The following FAM135B variants were observed in gnomAD, a reference collection of about 807,000 sequenced individuals.
FAM135B encodes the protein family with sequence similarity 135 member B.
FAM135B carries 43 observed loss-of-function variants against 127.7 expected under a neutral mutation model. That is an observed-to-expected ratio of 0.34 (90% CI 0.26 to 0.43). The LOEUF (loss-of-function observed/expected upper bound fraction) is 0.43. Among genes scored for constraint, FAM135B ranks in the 20% least tolerant of loss-of-function variants. The pLI, the probability that FAM135B is intolerant of heterozygous loss-of-function variation, is 1.00. For synonymous variants in FAM135B, 670 were observed against 665.1 expected, an observed-to-expected ratio of 1.01 and a Z score of -0.11; for missense variants, 1,558 against 1,725.6, an observed-to-expected ratio of 0.90 and a Z score of 1.72.
intron 1 of FAM135B, among the ~76,000 whole-genome samples, chr8:138,410,333 T>A (rs1422730870): frequency 6.6e-6 from 1 of 152,170 alleles, no homozygotes; most frequent in Non-Finnish European, 1.5e-5. Flanking sequence ...GTTCCTGGTG[T>A]CGATGCCCTT....
rs564009765 is a variant in FAM135B at position 138,241,925 on chromosome 8, T to C, written c.669+1017A>G. Among the ~76,000 whole-genome samples the C allele has an allele frequency of 6.6e-5, 10 of 152,262 alleles. No individual in the cohort carries two copies. The highest frequency in any genetic ancestry group is 2.4e-4 in the African/African-American group (10 of 41,556). On this transcript the variant is annotated intron_variant, in intron 7 of 19. Transcript: ENST00000395297. This position sits in a 1 kb window ranked among gnomAD's most constrained non-coding sequence, Gnocchi z 4.8. ...GAGGGCCTGAATAGGACAAAAAGAC[T>C]GAGTGAGAGAAAACTGTCTCTCTTA...
chr8:138,321,656 T>A (rs1827461441), intron 2 of FAM135B, among the ~76,000 whole-genome samples: 1 of 152,214 alleles, frequency 6.6e-6, no homozygotes, highest in African/African-American at 2.4e-5. Flanking sequence ...ATTTTCCTCA[T>A]AGTGCCATTA....
intron 1 of FAM135B, among the ~76,000 whole-genome samples, chr8:138,409,364 CA>C (rs779707652): frequency 4.9e-4 from 75 of 151,932 alleles, no homozygotes; most frequent in Non-Finnish European, 7.9e-4. Flanking sequence ...AAAACAATTA[CA>C]ATAGTAACAT....
At chr8:138,218,326 A>G (rs1420394920) in intron 7 of FAM135B, among the ~76,000 whole-genome samples, 1 of 152,242 alleles carries the variant, frequency 6.6e-6, no homozygotes, top group East Asian at 1.9e-4. Context: ...AATATTTACC[A>G]TAAGTCAATC....
At chr8:138,408,118 C>T (rs1018087417) in intron 1 of FAM135B, among the ~76,000 whole-genome samples, 5 of 152,186 alleles carry the variant, frequency 3.3e-5, no homozygotes, top group African/African-American at 4.8e-5. Context: ...TTGGCTTCAA[C>T]TTAAAGTCAT....
At chr8:138,238,845 C>A (rs1002263268) in intron 7 of FAM135B, among the ~76,000 whole-genome samples, 2 of 152,134 alleles carry the variant, frequency 1.3e-5, no homozygotes, top group African/African-American at 2.4e-5. Context: ...ACTGAATCTG[C>A]ATAATTGGAT....
Position 138,256,671 on chromosome 8 carries a change from A to C in FAM135B, c.368+18T>G. Reference sequence around the variant, plus strand: ...GAGCACTGTGCTACTACAATTCAATAATTTCCATGACACTCACTGCTGTTC... The same window carrying C: ...GAGCACTGTGCTACTACAATTCAATCATTTCCATGACACTCACTGCTGTTC... On this transcript the variant is annotated intron_variant, in intron 5 of 19. Transcript: ENST00000395297. 1 of 1,609,900 alleles carries C rather than the reference A, an allele frequency of 6.2e-7. No homozygotes were observed. Among genetic ancestry groups the C allele is most frequent in the South Asian group, 1.1e-5 (1 of 90,882 alleles).
At chr8:138,397,140 A>G (rs1832896741) in intron 1 of FAM135B, among the ~76,000 whole-genome samples, 1 of 152,192 alleles carries the variant, frequency 6.6e-6, no homozygotes, top group Non-Finnish European at 1.5e-5. Flanking sequence ...AGATTCAGGT[A>G]TCACAAGCAT....
chr8:138,168,119 C>T (rs2130905216), intron 11 of FAM135B, 70 bp from the exon 12 acceptor site: 1 of 1,496,644 alleles, frequency 6.7e-7, no homozygotes, highest in Non-Finnish European at 9.0e-7. Context: ...CCCCCTCTTC[C>T]TAATCCCGGG....
intron 7 of FAM135B, among the ~76,000 whole-genome samples, chr8:138,210,596 C>T (rs1818062928): frequency 6.6e-6 from 1 of 152,028 alleles, no homozygotes; most frequent in Admixed American, 6.6e-5. Context: ...GAGGGAAGCA[C>T]CACACACTTC....
chr8:138,398,207 T>G (rs991658512), intron 1 of FAM135B, among the ~76,000 whole-genome samples: 1 of 152,190 alleles, frequency 6.6e-6, no homozygotes, highest in Non-Finnish European at 1.5e-5. Flanking sequence ...AGAGGAGTTA[T>G]GGCACCATGC....
At chr8:138,206,288 C>A (rs1309398657) in intron 7 of FAM135B, among the ~76,000 whole-genome samples, 3 of 147,354 alleles carry the variant, frequency 2.0e-5, no homozygotes, top group South Asian at 2.2e-4. Context: ...CACCTACGCA[C>A]AGCTCTATCA....
chr8:138,372,225 G>C (rs1831174641), intron 1 of FAM135B, among the ~76,000 whole-genome samples: 1 of 152,184 alleles, frequency 6.6e-6, no homozygotes, highest in Admixed American at 6.5e-5. Flanking sequence ...CCTGCCCTTG[G>C]TACTGCCCTT....
chr8:138,463,511 T>C (rs1037322240), intron 1 of FAM135B, among the ~76,000 whole-genome samples: 3 of 152,164 alleles, frequency 2.0e-5, no homozygotes, highest in Non-Finnish European at 4.4e-5. Context: ...CTCCACCACC[T>C]CCAGGCCACA....
chr8:138,388,636 C>A (rs578146794), intron 1 of FAM135B, among the ~76,000 whole-genome samples: 2 of 152,044 alleles, frequency 1.3e-5, no homozygotes, highest in Non-Finnish European at 2.9e-5. Context: ...TGAAAAAATG[C>A]CAATCTGAAA....
At chr8:138,290,148 T>A (rs1055272627) in intron 3 of FAM135B, among the ~76,000 whole-genome samples, 2 of 152,140 alleles carry the variant, frequency 1.3e-5, no homozygotes, top group Non-Finnish European at 2.9e-5. Flanking sequence ...GTCCCCCTTA[T>A]GAGCTGGGTA....
At chr8:138,295,578 C>A (rs1340343903) in intron 3 of FAM135B, among the ~76,000 whole-genome samples, 2 of 152,084 alleles carry the variant, frequency 1.3e-5, no homozygotes, top group Admixed American at 6.5e-5. Context: ...GGACGAGGGG[C>A]ACTTCCTGCA....
At chr8:138,421,542 C>T (rs575394533) in intron 1 of FAM135B, among the ~76,000 whole-genome samples, 209 of 151,822 alleles carry the variant, frequency 1.4e-3, no homozygotes, top group Non-Finnish European at 2.2e-3. Flanking sequence ...TCACAATAGT[C>T]ACAAATATAA....
At chr8:138,155,863 C>A (rs956677002) in intron 12 of FAM135B, among the ~76,000 whole-genome samples, 6 of 152,076 alleles carry the variant, frequency 3.9e-5, no homozygotes, top group African/African-American at 1.4e-4. Context: ...TTTAATACCC[C>A]ACTGTCAATA....
Sources: allele counts gnomAD v4.1 joint callset (sites outside exome capture counted in the v4.1 genomes callset), GRCh38; gene constraint gnomAD v4.1.1; non-coding constraint Gnocchi (gnomAD v3.1); transcripts MANE v1.5; gene names NCBI Gene and HGNC (gene_info 2026-07-23, HGNC 2026-07-21).